The following SLC1A1 variants were observed in gnomAD, a reference collection of about 807,000 sequenced individuals.
SLC1A1 encodes solute carrier family 1 member 1, also known as excitatory amino acid transporter 3.
SLC1A1 carries 43 observed loss-of-function variants against 53.3 expected under a neutral mutation model. The ratio of observed to expected loss-of-function variants is 0.81; its 90% CI spans 0.63 to 1.04. SLC1A1 has a LOEUF of 1.04. Ranked by LOEUF, SLC1A1 falls within the 50% of genes least tolerant of loss-of-function variation. The pLI is 0.00. For synonymous variants in SLC1A1, 307 were observed against 243.2 expected (o/e 1.26, Z -2.44); for missense variants, 748 against 664.9 (o/e 1.12, Z -1.37).
intron 1 of SLC1A1, among the ~76,000 whole-genome samples, chr9:4,512,200 C>T (rs7041093): frequency 0.73 from 111,123 of 152,086 alleles, 40,821 homozygotes; most frequent in African/African-American, 0.78. Flanking sequence ...TGTAGATATA[C>T]CAGACAAGCT....
At chr9:4,535,330 C>A (rs992414403) in intron 1 of SLC1A1, among the ~76,000 whole-genome samples, 93 of 152,250 alleles carry the variant, frequency 6.1e-4, no homozygotes, top group African/African-American at 2.1e-3. Flanking sequence ...CCCAAAATCT[C>A]CTTAGGCTGA....
intron 1 of SLC1A1, among the ~76,000 whole-genome samples, chr9:4,537,090 G>T (rs906258759): frequency 2.5e-4 from 38 of 152,040 alleles, no homozygotes; most frequent in African/African-American, 8.9e-4. Context: ...TATACCTAAT[G>T]TTAAATGACG....
intron 1 of SLC1A1, among the ~76,000 whole-genome samples, chr9:4,493,035 A>G (rs1053308589): frequency 6.6e-6 from 1 of 152,188 alleles, no homozygotes; most frequent in Non-Finnish European, 1.5e-5. Context: ...GAAGAAGTAC[A>G]TGCTCATTTT....
At position 4,583,152 on chromosome 9, in the gene SLC1A1, C is replaced by G. The variant is rs760854362; in HGVS notation, c.1308C>G (p.Ile436Met). Residue 436 changes from isoleucine to methionine, a missense_variant, in exon 11 of 12, where the codon ATC (isoleucine) becomes ATG (methionine). By Grantham distance (10) the Ile-to-Met change is conservative. Coordinates refer to ENST00000262352, the MANE Select transcript of SLC1A1 (RefSeq NM_004170.6). This position sits in a 1 kb window ranked among gnomAD's most constrained non-coding sequence, Gnocchi z 4.6. ...TGCCCGCCGAGGATGTCACCCTGAT[C>G]ATTGCTGTCGACTGGCTCCTGTGAG... ...VGLPAEDVTL[I>M]IAVDWLLDRF... 122 of 1,614,118 alleles carry G rather than the reference C, an allele frequency of 7.6e-5. No homozygotes were observed. Among genetic ancestry groups the G allele is most frequent in the Non-Finnish European group, 9.0e-5 (106 of 1,180,058 alleles).
In SLC1A1 at chr9:4,582,950, G is replaced by A. The variant is rs570149570; in HGVS notation, c.1194-88G>A. 3.9e-5 allele frequency: 59 copies of A among 1,530,924 alleles called. No individual in the cohort carries two copies. The African/African-American group carries it at 4.8e-4, about 12-fold the overall frequency. The allele number at this position is 1,530,924 out of a possible 1,614,324, so 94.8% of individuals were successfully genotyped here. On this transcript the variant is annotated intron_variant, in intron 10 of 11. Coordinates refer to ENST00000262352, the MANE Select transcript of SLC1A1 (RefSeq NM_004170.6). ...TAGGGACACAGCAGTAATAGCCATC[G>A]GGACTAAGCGGGAGTAACCATTTCA...
intron 1 of SLC1A1, among the ~76,000 whole-genome samples, chr9:4,514,237 T>C (rs1821089645): frequency 6.6e-6 from 1 of 152,218 alleles, no homozygotes; most frequent in South Asian, 2.1e-4. Flanking sequence ...AGTTGGTGCA[T>C]ACATGTCCAG....
chr9:4,526,463 G>C (rs1816262911), intron 1 of SLC1A1, among the ~76,000 whole-genome samples: 1 of 152,056 alleles, frequency 6.6e-6, no homozygotes, highest in Non-Finnish European at 1.5e-5. Flanking sequence ...GATGTATAAA[G>C]GCATGGACAA....
At position 4,583,863 on chromosome 9, in the gene SLC1A1, C is replaced by G. The variant is rs1821329820; in HGVS notation, c.1328+691C>G. 8.0e-6 allele frequency among the ~76,000 whole-genome samples: 1 copy of G among 125,584 alleles called. No homozygotes were observed. Among genetic ancestry groups the G allele is most frequent in the Admixed American group, 8.0e-5 (1 of 12,562 alleles). The allele number at this position is 125,584 out of a possible 152,430, so 82.4% of individuals were successfully genotyped here. ...CCCAATCAACAACACTTCTCTCTCT[C>G]TCTCTCTCTCTCTCTCTCTCACACA... On this transcript the variant is annotated intron_variant, in intron 11 of 11. Coordinates refer to ENST00000262352, the MANE Select transcript of SLC1A1 (RefSeq NM_004170.6). The surrounding 1 kb of genome is among the most constrained non-coding windows in gnomAD (Gnocchi z 4.6).
chr9:4,540,145 G>C (rs1816882058), intron 1 of SLC1A1, among the ~76,000 whole-genome samples: 1 of 152,158 alleles, frequency 6.6e-6, no homozygotes, highest in African/African-American at 2.4e-5. Flanking sequence ...AGACATTGGA[G>C]AGAAGCAGCT....
intron 10 of SLC1A1, among the ~76,000 whole-genome samples, chr9:4,577,419 A>G (rs1286196775): frequency 6.6e-6 from 1 of 152,200 alleles, no homozygotes; most frequent in African/African-American, 2.4e-5. Flanking sequence ...TTTTGTACGA[A>G]GAGCTTGTGG....
intron 1 of SLC1A1, among the ~76,000 whole-genome samples, chr9:4,498,372 T>C (rs181115700): frequency 6.6e-6 from 1 of 152,348 alleles, no homozygotes; most frequent in African/African-American, 2.4e-5. Context: ...CTAATATATG[T>C]ATGTTTTTGG....
At chr9:4,554,723 T>C (rs1272360376) in intron 2 of SLC1A1, among the ~76,000 whole-genome samples, 2 of 152,214 alleles carry the variant, frequency 1.3e-5, no homozygotes, top group Non-Finnish European at 2.9e-5. Context: ...GTAAGGATTT[T>C]TTCTTTTTAT....
At chr9:4,532,350 A>G (rs1816504448) in intron 1 of SLC1A1, among the ~76,000 whole-genome samples, 2 of 152,176 alleles carry the variant, frequency 1.3e-5, no homozygotes, top group Non-Finnish European at 2.9e-5. Context: ...AGAATAACCA[A>G]TGCAGAGAAG....
At chr9:4,581,873 A>G (rs1821130506) in intron 10 of SLC1A1, among the ~76,000 whole-genome samples, 1 of 152,360 alleles carries the variant, frequency 6.6e-6, no homozygotes, top group African/African-American at 2.4e-5. Context: ...GCTTTCTGCA[A>G]CACCTCAGTA....
rs1820521510 is a variant in SLC1A1, at chr9:4,576,137, G to A, written c.998+14G>A. 2 of 1,612,802 alleles carry A rather than the reference G, an allele frequency of 1.2e-6. No individual in the cohort carries two copies. Among genetic ancestry groups the A allele is most frequent in the African/African-American group, 1.3e-5 (1 of 74,876 alleles). ...GATCTCTTCCAGGTAAACAGAAGAG[G>A]GGTTTCTGGAAGAAGCCTCCAGGCT... On this transcript the variant is annotated intron_variant, in intron 9 of 11. Transcript: ENST00000262352.
At chr9:4,539,270 A>G (rs538514725) in intron 1 of SLC1A1, among the ~76,000 whole-genome samples, 9 of 152,322 alleles carry the variant, frequency 5.9e-5, no homozygotes, top group Middle Eastern at 3.4e-3. Context: ...TAGGACCTGG[A>G]AAAAACGAGA....
At chr9:4,519,039 T>A (rs187484008) in intron 1 of SLC1A1, among the ~76,000 whole-genome samples, 23 of 152,366 alleles carry the variant, frequency 1.5e-4, no homozygotes, top group Non-Finnish European at 2.6e-4. Flanking sequence ...CCCTTTCAGC[T>A]GTATTTATAA....
chr9:4,533,799 T>A (rs540344741), intron 1 of SLC1A1, among the ~76,000 whole-genome samples: 16 of 152,026 alleles, frequency 1.1e-4, no homozygotes, highest in East Asian at 3.9e-4. Context: ...AATTGACCAC[T>A]TAGTTGGAAG....
intron 10 of SLC1A1, among the ~76,000 whole-genome samples, chr9:4,582,219 C>T (rs1821163703): frequency 6.6e-6 from 1 of 152,154 alleles, no homozygotes; most frequent in African/African-American, 2.4e-5. Flanking sequence ...AGAAAAAAAT[C>T]CCTACTGCCT....
Sources: allele counts gnomAD v4.1 joint callset (sites outside exome capture counted in the v4.1 genomes callset), GRCh38; gene constraint gnomAD v4.1.1; non-coding constraint Gnocchi (gnomAD v3.1); transcripts MANE v1.5; gene names NCBI Gene and HGNC (gene_info 2026-07-23, HGNC 2026-07-21).